Variants in RAB3C observed in about 807,000 individuals in gnomAD.
RAB3C encodes the protein RAB3C, member RAS oncogene family.
A neutral mutation model predicts 26.4 loss-of-function variants in RAB3C; 17 were observed. The observed-to-expected ratio is 0.64, with a 90% CI of 0.44 to 0.97. The LOEUF (loss-of-function observed/expected upper bound fraction) is 0.97. RAB3C is among the 50% of genes least tolerant of loss of function. The probability of loss-of-function intolerance (pLI) is 0.00; values close to 1 mark genes in which losing one functional copy is unlikely to be tolerated. For synonymous variants in RAB3C, 91 were observed against 95.9 expected, an observed-to-expected ratio of 0.95 and a Z score of 0.30; for missense variants, 242 against 281.9, an observed-to-expected ratio of 0.86 and a Z score of 1.01.
intron 3 of RAB3C, among the ~76,000 whole-genome samples, chr5:58,811,343 G>C (rs1052489407): frequency 6.7e-6 from 1 of 149,884 alleles, no homozygotes; most frequent in Non-Finnish European, 1.5e-5. Context: ...GTTAGATTTT[G>C]CGTGTGTGTG....
At chr5:58,662,583 ATAATTGGCCCAAATGTCGTATATCT>A (rs1340900128) in intron 2 of RAB3C, among the ~76,000 whole-genome samples, 1 of 150,394 alleles carries the variant, frequency 6.6e-6, no homozygotes, top group East Asian at 1.9e-4. Context: ...CAGAAGATAA[ATAATTGGCCCAAATGTCGTATATCT>A]TATAAAAAAG....
intron 4 of RAB3C, among the ~76,000 whole-genome samples, chr5:58,829,061 G>T (rs1034754260): frequency 6.6e-6 from 1 of 151,590 alleles, no homozygotes; most frequent in African/African-American, 2.4e-5. Flanking sequence ...GTGCCACCAC[G>T]CCCGGCTACT....
intron 3 of RAB3C, among the ~76,000 whole-genome samples, chr5:58,775,753 G>T (rs1009054653): frequency 4.6e-5 from 7 of 152,054 alleles, no homozygotes; most frequent in Non-Finnish European, 8.8e-5. Context: ...ATATAAAACT[G>T]CAGACCACCA....
chr5:58,835,468 G>T (rs1295238805), intron 4 of RAB3C, among the ~76,000 whole-genome samples: 1 of 152,068 alleles, frequency 6.6e-6, no homozygotes, highest in Non-Finnish European at 1.5e-5. Context: ...GTTACTTGTG[G>T]ATCAAAGCTT....
chr5:58,823,106 A>C (rs1053193751), intron 3 of RAB3C: 1 of 471,148 alleles, frequency 2.1e-6, no homozygotes, highest in Non-Finnish European at 4.1e-6. Context: ...GAAACACATC[A>C]TGGGTCAGAA....
At chr5:58,683,620 A>G (rs1292440856) in intron 2 of RAB3C, among the ~76,000 whole-genome samples, 1 of 152,224 alleles carries the variant, frequency 6.6e-6, no homozygotes, top group Non-Finnish European at 1.5e-5. Context: ...GTGGTCCACC[A>G]TGGTTAAAAA....
chr5:58,776,801 C>T (rs1742152276), intron 3 of RAB3C, among the ~76,000 whole-genome samples: 2 of 152,070 alleles, frequency 1.3e-5, no homozygotes, highest in Admixed American at 6.6e-5. Context: ...GGGTCAAATT[C>T]CTTCCATCCT....
chr5:58,733,242 GAA>G (rs903618345), intron 3 of RAB3C, among the ~76,000 whole-genome samples: 1 of 152,066 alleles, frequency 6.6e-6, no homozygotes, highest in Non-Finnish European at 1.5e-5. Context: ...AAACTACATA[GAA>G]AACGCAGACC....
chr5:58,767,077 A>G (rs1460016216), intron 3 of RAB3C, among the ~76,000 whole-genome samples: 1 of 152,176 alleles, frequency 6.6e-6, no homozygotes, highest in Non-Finnish European at 1.5e-5. Flanking sequence ...CCCTGTGGAC[A>G]GATCAGTGCC....
intron 2 of RAB3C, among the ~76,000 whole-genome samples, chr5:58,667,718 G>T (rs76391775): frequency 8.6e-5 from 13 of 151,474 alleles, no homozygotes; most frequent in Non-Finnish European, 1.6e-4. Context: ...GAGATATATC[G>T]TTCTATTTTA....
intron 3 of RAB3C, among the ~76,000 whole-genome samples, chr5:58,728,827 T>A (rs549056854): frequency 6.6e-6 from 1 of 152,168 alleles, no homozygotes; most frequent in Admixed American, 6.6e-5. Context: ...CCTCCAGGTA[T>A]CTATTTCACT....
At chr5:58,840,150 G>A (rs1393114515) in intron 4 of RAB3C, among the ~76,000 whole-genome samples, 1 of 151,412 alleles carries the variant, frequency 6.6e-6, no homozygotes, top group African/African-American at 2.4e-5. Context: ...AAGTCCTGTA[G>A]GCTTTATTTA....
At chr5:58,825,194 G>GATAATTTGCTTATTATATGTAAA in intron 4 of RAB3C, 32 bp downstream of exon 4, 1 of 1,595,724 alleles carries the variant, frequency 6.3e-7, no homozygotes. Context: ...TAAAAAGAAA[G>GATAATTTGCTTATTATATGTAAA]ATAATTTGCT....
rs1418826631 is a variant in RAB3C, at chr5:58,686,345, A to G, written c.253-39657A>G. Among the ~76,000 whole-genome samples the G allele has an allele frequency of 2.6e-5, 4 of 152,178 alleles. No individual in the cohort carries two copies. The East Asian group carries it at 7.7e-4, about 29-fold the overall frequency. ...TACACTAGTATCCTTTCTAGTCACT[A>G]CTGTATTATTTCGTATTCTTCAGTT... is the stretch of plus-strand genomic sequence containing the variant. On this transcript the variant is annotated intron_variant, in intron 2 of 4. Coordinates refer to ENST00000282878, the MANE Select transcript of RAB3C (RefSeq NM_138453.4).
At chr5:58,698,786 A>C (rs1230977328) in intron 2 of RAB3C, among the ~76,000 whole-genome samples, 2 of 152,134 alleles carry the variant, frequency 1.3e-5, no homozygotes, top group Non-Finnish European at 2.9e-5. Flanking sequence ...AGGTCATTTA[A>C]GGTCTTCTCT....
chr5:58,733,853 C>T (rs970545297), intron 3 of RAB3C, among the ~76,000 whole-genome samples: 1 of 152,172 alleles, frequency 6.6e-6, no homozygotes, highest in African/African-American at 2.4e-5. Context: ...TGCATTTGAA[C>T]TTGATTTAAA....
At chr5:58,824,653 G>A (rs1197549534) in intron 3 of RAB3C, among the ~76,000 whole-genome samples, 1 of 152,192 alleles carries the variant, frequency 6.6e-6, no homozygotes, top group Non-Finnish European at 1.5e-5. Context: ...CTGAAACGGA[G>A]GGGTTTCTCA....
At chr5:58,809,796 G>C (rs933706082) in intron 3 of RAB3C, among the ~76,000 whole-genome samples, 1 of 152,178 alleles carries the variant, frequency 6.6e-6, no homozygotes, top group Non-Finnish European at 1.5e-5. Context: ...GTCTTACTTT[G>C]AGCTTGGAAT....
intron 2 of RAB3C, among the ~76,000 whole-genome samples, chr5:58,687,428 G>C (rs1184600035): frequency 6.6e-6 from 1 of 152,026 alleles, no homozygotes; most frequent in Non-Finnish European, 1.5e-5. Context: ...ATAGAATAGG[G>C]CTAAAAATGA....
Sources: gnomAD v4.1 joint callset for allele counts (sites outside exome capture counted in the v4.1 genomes callset) on GRCh38, gnomAD v4.1.1 for gene constraint, MANE v1.5 for transcripts, NCBI Gene and HGNC (gene_info 2026-07-23, HGNC 2026-07-21) for gene names.